Variants in RAPGEF1 observed in about 807,000 individuals in gnomAD.
The protein encoded by RAPGEF1 is CRK SH3-binding GNRP.
Under a neutral mutation model 143.3 loss-of-function variants are expected in RAPGEF1, and 33 were observed. The ratio of observed to expected loss-of-function variants is 0.23; its 90% CI spans 0.17 to 0.31. The LOEUF (loss-of-function observed/expected upper bound fraction) is 0.31. RAPGEF1 is among the 10% of genes least tolerant of loss of function. RAPGEF1 has a pLI of 1.00. For synonymous variants in RAPGEF1, 629 were observed against 676.5 expected (o/e 0.93, Z 1.09); for missense variants, 1,199 against 1,645.4 (o/e 0.73, Z 4.69).
At position 131,579,595 on chromosome 9, in the gene RAPGEF1, T is replaced by C. The variant is rs1196633707; in HGVS notation, c.3694A>G (p.Ser1232Gly). 3.7e-6 allele frequency: 6 copies of C among 1,614,032 alleles called. No homozygotes were observed. Among genetic ancestry groups the C allele is most frequent in the Non-Finnish European group, 5.1e-6 (6 of 1,179,872 alleles). ...DDIINFFNDF[S>G]DHLAEEALWE... ...AGGGCCTCCTCAGCCAGGTGGTCAC[T>C]GAAGTCATTGAAGAAGTTTATAATG... is the stretch of plus-strand genomic sequence containing the variant. Residue 1232 changes from serine to glycine, a missense_variant, in exon 27 of 27, where the codon AGT becomes GGT. Coordinates refer to ENST00000683357, the MANE Select transcript of RAPGEF1 (RefSeq NM_001377935.1).
Position 131,628,509 on chromosome 9 carries a change from C to A in RAPGEF1, c.1017+40G>T, listed in dbSNP as rs767861484. The A allele has an allele frequency of 1.2e-5, 19 of 1,599,496 alleles. No homozygotes were observed. The highest frequency in any genetic ancestry group is 1.3e-5 in the African/African-American group (1 of 74,678). On this transcript the variant is annotated intron_variant, in intron 8 of 26. Coordinates refer to ENST00000683357, the MANE Select transcript of RAPGEF1 (RefSeq NM_001377935.1). This position sits in a 1 kb window ranked among gnomAD's most constrained non-coding sequence, Gnocchi z 5.7. ...AGCCACATCCCTGAGCCCCCCACCCCCTCCCTGCCTTCCCATGCAGGGAAC... is the reference window on the plus strand; with the variant it reads ...AGCCACATCCCTGAGCCCCCCACCCACTCCCTGCCTTCCCATGCAGGGAAC...
intron 1 of RAPGEF1, among the ~76,000 whole-genome samples, chr9:131,723,293 A>G (rs1211145114): frequency 6.6e-6 from 1 of 152,218 alleles, no homozygotes. Flanking sequence ...TACACATAAC[A>G]TTTGCCATCT....
At chr9:131,682,706 G>A (rs1450739376) in intron 1 of RAPGEF1, among the ~76,000 whole-genome samples, 1 of 152,106 alleles carries the variant, frequency 6.6e-6, no homozygotes, top group African/African-American at 2.4e-5. Context: ...TGAAAAGGAG[G>A]ATTTGGAAGC....
intron 5 of RAPGEF1, among the ~76,000 whole-genome samples, chr9:131,631,497 C>T (rs1037523284): frequency 1.3e-5 from 2 of 152,382 alleles, no homozygotes; most frequent in Middle Eastern, 3.4e-3. Flanking sequence ...CACAGCTTCT[C>T]CCTCCACCTT....
chr9:131,685,427 G>A (rs1433364210), intron 1 of RAPGEF1, among the ~76,000 whole-genome samples: 3 of 152,212 alleles, frequency 2.0e-5, no homozygotes, highest in Admixed American at 6.5e-5. Flanking sequence ...GTGGGTTCAC[G>A]GGAATGAGGG....
chr9:131,704,916 C>A (rs1479719164), intron 1 of RAPGEF1, among the ~76,000 whole-genome samples: 1 of 152,208 alleles, frequency 6.6e-6, no homozygotes, highest in Non-Finnish European at 1.5e-5. Context: ...GAATCAACAA[C>A]TAAATGTTGA....
chr9:131,581,572 G>A (rs1427835829), intron 25 of RAPGEF1, among the ~76,000 whole-genome samples: 1 of 151,980 alleles, frequency 6.6e-6, no homozygotes, highest in Non-Finnish European at 1.5e-5. Flanking sequence ...GGTTGCGCAT[G>A]CCTGTAGTCC....
intron 5 of RAPGEF1, among the ~76,000 whole-genome samples, chr9:131,635,740 G>T (rs542027062): frequency 6.6e-6 from 1 of 152,194 alleles, no homozygotes; most frequent in African/African-American, 2.4e-5. Context: ...CAGGAGCCGG[G>T]GAGGGGGCAG....
At chr9:131,602,850 C>T (rs1956485151) in intron 14 of RAPGEF1, among the ~76,000 whole-genome samples, 1 of 152,184 alleles carries the variant, frequency 6.6e-6, no homozygotes, top group Non-Finnish European at 1.5e-5. Context: ...CATCCCTGGT[C>T]TGCTGCTGAG....
intron 1 of RAPGEF1, among the ~76,000 whole-genome samples, chr9:131,718,051 A>G (rs960651742): frequency 2.6e-5 from 4 of 152,130 alleles, no homozygotes; most frequent in Non-Finnish European, 5.9e-5. Context: ...TTAAAAGGAG[A>G]TGGGTGAGCA....
At chr9:131,612,193 C>T (rs917174108) in intron 12 of RAPGEF1, among the ~76,000 whole-genome samples, 2 of 152,218 alleles carry the variant, frequency 1.3e-5, no homozygotes, top group Admixed American at 6.5e-5. Flanking sequence ...AGGTTTGTGT[C>T]TATTTCCTAT....
At chr9:131,706,403 C>T (rs1013215953) in intron 1 of RAPGEF1, among the ~76,000 whole-genome samples, 3 of 152,144 alleles carry the variant, frequency 2.0e-5, no homozygotes, top group Admixed American at 1.3e-4. Flanking sequence ...GCTGGGACTA[C>T]TTGCGCGCGC....
chr9:131,667,098 TCCTGCCTTGG>T lies in RAPGEF1; in HGVS notation c.62-16159_62-16150del, dbSNP rs1227143467. Among the ~76,000 whole-genome samples the T allele has an allele frequency of 6.6e-6, 1 of 152,188 alleles. No individual in the cohort carries two copies. The highest frequency in any genetic ancestry group is 1.5e-5 in the Non-Finnish European group (1 of 68,028). On this transcript the variant is annotated intron_variant, in intron 1 of 26. Coordinates refer to ENST00000683357, the MANE Select transcript of RAPGEF1 (RefSeq NM_001377935.1). The surrounding 1 kb of genome is among the most constrained non-coding windows in gnomAD (Gnocchi z 4.6). ...TCCATCTCACGGGTTCAAGTGATTC[TCCTGCCTTGG>T]CCTCCCTAGTAGCTGGGATTACAGG...
chr9:131,674,145 A>AT (rs372983658), intron 1 of RAPGEF1, among the ~76,000 whole-genome samples: 1 of 152,194 alleles, frequency 6.6e-6, no homozygotes, highest in African/African-American at 2.4e-5. Context: ...GGATTGGGAT[A>AT]TATCTAGTTT....
Position 131,605,005 on chromosome 9 carries a change from G to A in RAPGEF1, c.2245C>T (p.Leu749Phe), listed in dbSNP as rs2132518574. ...AAGCTGCTCTCCTGAGAAGCCGAGA[G>A]AGGCCCGTCCACGGTGCTGGGAGGT... ...GPPPSTVDGPLSASQESSFHG... is the reference protein window; with the variant it reads ...GPPPSTVDGPFSASQESSFHG... The change falls in exon 13 of 27, where the codon CTC becomes TTC. Residue 749 changes from leucine (L) to phenylalanine (F), a missense_variant. By Grantham distance (22) the Leu-to-Phe change is conservative. Transcript: ENST00000683357. The A allele has an allele frequency of 5.2e-6, 7 of 1,356,626 alleles. No homozygotes were observed. The highest frequency in any genetic ancestry group is 6.9e-6 in the Non-Finnish European group (7 of 1,017,494). 84.0% of individuals were successfully genotyped at this position (1,356,626 alleles called of 1,614,324 possible).
intron 5 of RAPGEF1, among the ~76,000 whole-genome samples, chr9:131,631,675 C>G (rs1485374224): frequency 6.6e-6 from 1 of 152,210 alleles, no homozygotes; most frequent in Admixed American, 6.5e-5. Context: ...CCTCTCCAGA[C>G]TCAAAAAAGC....
In RAPGEF1 at chr9:131,690,636, C is replaced by G. The variant is rs542423681; in HGVS notation, c.62-39687G>C. Among the ~76,000 whole-genome samples the G allele has an allele frequency of 7.3e-5, 11 of 151,262 alleles. No homozygotes were observed. In the East Asian group the frequency reaches 2.1e-3, roughly 29 times the overall value. On this transcript the variant is annotated intron_variant, in intron 1 of 26. Coordinates refer to ENST00000683357, the MANE Select transcript of RAPGEF1 (RefSeq NM_001377935.1). ...CAACATGGCAAAACCTCATCTCTACCAAAAAAAGGATACAAAATTAGTCAG... is the reference window on the plus strand; with the variant it reads ...CAACATGGCAAAACCTCATCTCTACGAAAAAAAGGATACAAAATTAGTCAG...
intron 1 of RAPGEF1, among the ~76,000 whole-genome samples, chr9:131,661,584 T>C (rs1305462205): frequency 6.6e-6 from 1 of 152,186 alleles, no homozygotes; most frequent in African/African-American, 2.4e-5. Flanking sequence ...CTTCCTGATG[T>C]ATAGTATATT....
chr9:131,719,874 TTTTC>T (rs745656307), intron 1 of RAPGEF1, among the ~76,000 whole-genome samples: 126 of 148,080 alleles, frequency 8.5e-4, no homozygotes, highest in Middle Eastern at 3.5e-3. Context: ...TATTTTCTTC[TTTTC>T]TTTCTTTCTT....
Sources: allele counts gnomAD v4.1 joint callset (sites outside exome capture counted in the v4.1 genomes callset), GRCh38; gene constraint gnomAD v4.1.1; non-coding constraint Gnocchi (gnomAD v3.1); transcripts MANE v1.5; gene names NCBI Gene and HGNC (gene_info 2026-07-23, HGNC 2026-07-21).